Variants in GATB observed in about 807,000 individuals in gnomAD.
GATB encodes the protein glutamyl-tRNA(Gln) amidotransferase subunit B, mitochondrial.
A neutral mutation model predicts 62.3 loss-of-function variants in GATB; 39 were observed. The observed-to-expected ratio is 0.63, with a 90% CI of 0.48 to 0.82. The LOEUF is 0.82. GATB is among the 40% of genes least tolerant of loss of function. The pLI, the probability that GATB is intolerant of heterozygous loss-of-function variation, is 0.00. For missense variants in GATB, 670 were observed against 684.0 expected, an observed-to-expected ratio of 0.98 and a Z score of 0.23; for synonymous variants, 276 against 258.9, an observed-to-expected ratio of 1.07 and a Z score of -0.63.
intron 11 of GATB, chr4:151,673,320 C>T (rs759767713): frequency 3.1e-5 from 5 of 159,232 alleles, no homozygotes; most frequent in East Asian, 3.6e-4. Context: ...CGGGAGTCGG[C>T]GGGCCACTGA....
chr4:151,760,325 C>A (rs1290814106), intron 1 of GATB, among the ~76,000 whole-genome samples: 1 of 152,142 alleles, frequency 6.6e-6, no homozygotes, highest in Non-Finnish European at 1.5e-5. Context: ...CACACATATT[C>A]CAACATAAAA....
rs370811644 is a variant in GATB at position 151,724,707 on chromosome 4, T to C, written c.328-5169A>G. Among the ~76,000 whole-genome samples the C allele has an allele frequency of 1.4e-4, 22 of 152,098 alleles. No individual in the cohort carries two copies. The East Asian group carries it at 3.3e-3, about 23-fold the overall frequency. On this transcript the variant is annotated intron_variant, in intron 2 of 12. Coordinates refer to ENST00000263985, the MANE Select transcript of GATB (RefSeq NM_004564.3). ...TGGCAAGACTTTCGGATGTCACCTG[T>C]TTTGTGACATCTTTCCCACCACTAC... is the stretch of plus-strand genomic sequence containing the variant.
intron 1 of GATB, among the ~76,000 whole-genome samples, chr4:151,760,356 G>A (rs1156839492): frequency 6.6e-6 from 1 of 152,142 alleles, no homozygotes; most frequent in Middle Eastern, 3.2e-3. Flanking sequence ...GATAGCTAGT[G>A]TTTTCTGACT....
intron 11 of GATB, 39 bp from the exon 12 acceptor site, chr4:151,672,935 G>A (rs757091147): frequency 3.7e-6 from 6 of 1,609,606 alleles, no homozygotes; most frequent in Non-Finnish European, 5.1e-6. Context: ...GAAATGAGAA[G>A]TCAGCTCTTC....
At chr4:151,679,638 T>C (rs1373862879) in intron 11 of GATB, among the ~76,000 whole-genome samples, 175 bp downstream of exon 11, 1 of 152,208 alleles carries the variant, frequency 6.6e-6, no homozygotes, top group Non-Finnish European at 1.5e-5. Flanking sequence ...GCATTGCACA[T>C]ATTGGCTTCA....
intron 2 of GATB, among the ~76,000 whole-genome samples, chr4:151,755,934 G>A (rs1739817783): frequency 6.6e-6 from 1 of 152,150 alleles, no homozygotes; most frequent in Non-Finnish European, 1.5e-5. Flanking sequence ...GGACACAATA[G>A]ATATAGGTTT....
intron 9 of GATB, among the ~76,000 whole-genome samples, chr4:151,700,212 T>C (rs1395344309): frequency 6.6e-6 from 1 of 152,188 alleles, no homozygotes; most frequent in Non-Finnish European, 1.5e-5. Context: ...ACTGCTGATG[T>C]TGTGCTCATC....
intron 5 of GATB, among the ~76,000 whole-genome samples, chr4:151,709,964 C>T (rs530335309): frequency 6.6e-6 from 1 of 152,178 alleles, no homozygotes. Flanking sequence ...TCTGTATACA[C>T]AACCCTGTCT....
Position 151,735,805 on chromosome 4 carries a change from C to A in GATB, c.328-16267G>T, listed in dbSNP as rs191070916. On this transcript the variant is annotated intron_variant, in intron 2 of 12. Transcript: ENST00000263985. The stretch of plus-strand genomic sequence containing the variant: ...AAAAGAAATAAATTAACAGCATTTG[C>A]AATGACCTGGATGGGACTGGAGACT... Among the ~76,000 whole-genome samples the A allele has an allele frequency of 2.1e-5, 3 of 145,560 alleles. No homozygotes were observed. The Admixed American group carries it at 2.1e-4, about 10-fold the overall frequency.
intron 2 of GATB, among the ~76,000 whole-genome samples, chr4:151,728,862 G>A (rs1234085922): frequency 6.6e-6 from 1 of 152,198 alleles, no homozygotes; most frequent in Non-Finnish European, 1.5e-5. Context: ...CAAACTCTAA[G>A]TAAGAAATGC....
intron 10 of GATB, among the ~76,000 whole-genome samples, chr4:151,682,108 G>T (rs1738151930): frequency 6.6e-6 from 1 of 152,154 alleles, no homozygotes; most frequent in African/African-American, 2.4e-5. Flanking sequence ...TTCATCTAAG[G>T]ACCTTAATTC....
chr4:151,686,652 G>GCCCCGCC (rs1312222191), intron 10 of GATB, among the ~76,000 whole-genome samples: 7,570 of 70,618 alleles, frequency 0.11, 418 homozygotes, highest in Middle Eastern at 0.22. Context: ...TCCCCGCCCC[G>GCCCCGCC]CCCCCCCCCC....
chr4:151,743,514 C>T (rs1193813178), intron 2 of GATB, among the ~76,000 whole-genome samples: 1 of 152,186 alleles, frequency 6.6e-6, no homozygotes, highest in East Asian at 1.9e-4. Flanking sequence ...TGGATGTATA[C>T]TCATATATAC....
At chr4:151,737,710 G>A (rs982527435) in intron 2 of GATB, among the ~76,000 whole-genome samples, 1 of 152,158 alleles carries the variant, frequency 6.6e-6, no homozygotes, top group Non-Finnish European at 1.5e-5. Flanking sequence ...CCTGCTGTGT[G>A]CAGTCTAGGG....
rs1738925036 is a variant in GATB, at chr4:151,716,958, C to T, written c.558G>A (p.Lys186=). ...CACTGTCTTGCTCCAACTGGATCTG[C>T]TTGATCCTCACCGTCTTGGGGATCA... The part of the protein sequence containing the change: ...SQVIPKTVRI[K]QIQLEQDSGK... Residue 186 remains lysine, a synonymous_variant, in exon 4 of 13, where the codon AAG becomes AAA. Transcript: ENST00000263985. The T allele has an allele frequency of 1.2e-6, 2 of 1,614,022 alleles. No homozygotes were observed. The highest frequency in any genetic ancestry group is 1.7e-5 in the Admixed American group (1 of 59,998).
chr4:151,670,883 A>T lies in GATB; in HGVS notation c.*291T>A, dbSNP rs1474262250. On this transcript the variant is annotated 3_prime_UTR_variant, in exon 13 of 13. Transcript: ENST00000263985. Reference sequence around the variant, plus strand: ...CTCCAACATACATTTTATTTAGTTTAAAATTCCTTAATACAAGAAGGTGTT... The same window carrying T: ...CTCCAACATACATTTTATTTAGTTTTAAATTCCTTAATACAAGAAGGTGTT... 6.4e-6 allele frequency: 2 copies of T among 313,364 alleles called. No individual in the cohort carries two copies. Among genetic ancestry groups the T allele is most frequent in the Middle Eastern group, 9.0e-4 (1 of 1,116 alleles). The allele number at this position is 313,364 out of a possible 1,614,324, so 19.4% of individuals were successfully genotyped here.
chr4:151,682,873 T>C (rs1466852298), intron 10 of GATB, among the ~76,000 whole-genome samples: 1 of 152,182 alleles, frequency 6.6e-6, no homozygotes, highest in Non-Finnish European at 1.5e-5. Context: ...GCAGTGCCCC[T>C]AGCTGGCGTC....
At chr4:151,693,371 C>T (rs931737207) in intron 9 of GATB, among the ~76,000 whole-genome samples, 1 of 152,158 alleles carries the variant, frequency 6.6e-6, no homozygotes, top group African/African-American at 2.4e-5. Context: ...TTCACAGAAA[C>T]AAGAAGCCGC....
In GATB at chr4:151,730,318, AC is replaced by A. The variant is rs1250069984; in HGVS notation, c.328-10781del. Among the ~76,000 whole-genome samples the A allele has an allele frequency of 6.6e-6, 1 of 152,194 alleles. No individual in the cohort carries two copies. Among genetic ancestry groups the A allele is most frequent in the Non-Finnish European group, 1.5e-5 (1 of 68,034 alleles). ...CTCAGACATGCCTAGCCCTGCTGCC[AC>A]CTGATGGTCCTTCCCTACTCAACCT... On this transcript the variant is annotated intron_variant, in intron 2 of 12. Coordinates refer to ENST00000263985, the MANE Select transcript of GATB (RefSeq NM_004564.3). This position sits in a 1 kb window ranked among gnomAD's most constrained non-coding sequence, Gnocchi z 4.1.
Sources: gnomAD v4.1 joint callset for allele counts (sites outside exome capture counted in the v4.1 genomes callset) on GRCh38, gnomAD v4.1.1 for gene constraint, Gnocchi (gnomAD v3.1) non-coding constraint, MANE v1.5 for transcripts, NCBI Gene and HGNC (gene_info 2026-07-23, HGNC 2026-07-21) for gene names.